NUP205: variants seen among roughly 807,000 people sequenced by gnomAD.
The protein encoded by NUP205 is nucleoporin 205, also known as nuclear pore complex protein Nup205.
Under a neutral mutation model 253.8 loss-of-function variants are expected in NUP205, and 76 were observed. The ratio of observed to expected loss-of-function variants is 0.30; its 90% CI spans 0.25 to 0.36. NUP205 has a LOEUF of 0.36. Ranked by LOEUF, NUP205 falls within the 10% of genes least tolerant of loss-of-function variation. The pLI is 1.00. For missense variants in NUP205, 2,162 were observed against 2,425.5 expected (o/e 0.89, Z 2.28); for synonymous variants, 832 against 850.1 (o/e 0.98, Z 0.37).
intron 8 of NUP205, among the ~76,000 whole-genome samples, chr7:135,586,084 C>T (rs754956417): frequency 6.6e-6 from 1 of 151,684 alleles, no homozygotes; most frequent in African/African-American, 2.4e-5. Context: ...GGGAGAAAAA[C>T]GTCTTTTTTT....
intron 1 of NUP205, among the ~76,000 whole-genome samples, chr7:135,569,772 T>C: frequency 6.6e-6 from 1 of 152,058 alleles, no homozygotes; most frequent in Non-Finnish European, 1.5e-5. Context: ...TATGAGTTTA[T>C]AAAAGTATTC....
At chr7:135,581,520 G>C (rs1353034785) in intron 7 of NUP205, among the ~76,000 whole-genome samples, 1 of 151,934 alleles carries the variant, frequency 6.6e-6, no homozygotes, top group Admixed American at 6.6e-5. Flanking sequence ...ACTCCAGCCT[G>C]GGTGACAGAG....
intron 12 of NUP205, 43 bp from the exon 13 acceptor site, chr7:135,594,504 T>C (rs527448800): frequency 4.7e-6 from 7 of 1,488,428 alleles, no homozygotes; most frequent in African/African-American, 4.2e-5. Context: ...TTTTAATAAC[T>C]TTTAAAAATG....
chr7:135,631,052 C>T (rs967528513), intron 35 of NUP205, among the ~76,000 whole-genome samples: 1 of 150,770 alleles, frequency 6.6e-6, no homozygotes, highest in Non-Finnish European at 1.5e-5. Flanking sequence ...AATTTTCAAA[C>T]ATTGCTTTAT....
At chr7:135,635,490 A>C in intron 35 of NUP205, 91 bp from the exon 36 acceptor site, 1 of 744,578 alleles carries the variant, frequency 1.3e-6, no homozygotes, top group Non-Finnish European at 2.2e-6. Context: ...TCATGCACAT[A>C]AACAATATAA....
intron 27 of NUP205, among the ~76,000 whole-genome samples, 199 bp from the exon 28 acceptor site, chr7:135,618,213 A>G (rs1794399293): frequency 6.6e-6 from 1 of 152,178 alleles, no homozygotes; most frequent in African/African-American, 2.4e-5. Flanking sequence ...TCTGTCCCCT[A>G]CCTTTCATGC....
intron 35 of NUP205, among the ~76,000 whole-genome samples, chr7:135,635,132 A>G (rs934495116): frequency 6.6e-6 from 1 of 152,218 alleles, no homozygotes; most frequent in African/African-American, 2.4e-5. Context: ...CAAACTAAGA[A>G]GTTGAATGGA....
At chr7:135,627,866 A>G in intron 33 of NUP205, 107 bp from the exon 34 acceptor site, 1 of 1,134,138 alleles carries the variant, frequency 8.8e-7, no homozygotes, top group Non-Finnish European at 1.3e-6. Flanking sequence ...TAGTTGATTC[A>G]CATCTTAATC....
chr7:135,613,979 G>A (rs941119179), intron 22 of NUP205, among the ~76,000 whole-genome samples, 180 bp from the exon 23 acceptor site: 1 of 152,124 alleles, frequency 6.6e-6, no homozygotes, highest in African/African-American at 2.4e-5. Context: ...TCTTGAGCTA[G>A]GTTGCCAAGG....
At chr7:135,644,533 G>T (rs1168760973) in intron 39 of NUP205, among the ~76,000 whole-genome samples, 1 of 152,162 alleles carries the variant, frequency 6.6e-6, no homozygotes, top group African/African-American at 2.4e-5. Flanking sequence ...TTTTGCAGAA[G>T]ATACCTGACA....
chr7:135,620,482 C>T (rs144850143), intron 30 of NUP205, among the ~76,000 whole-genome samples: 2,447 of 152,250 alleles, frequency 0.016, 27 homozygotes, highest in Non-Finnish European at 0.023. Context: ...TCCCAGATTG[C>T]GCCACTGCCC....
Position 135,570,593 on chromosome 7 carries a change from CTTTTA to C in NUP205, c.29-510_29-506del, listed in dbSNP as rs764472533. 1.7e-4 allele frequency among the ~76,000 whole-genome samples: 24 copies of C among 144,450 alleles called. No individual in the cohort carries two copies. In the East Asian group the frequency reaches 2.4e-3, roughly 14 times the overall value. 94.8% of individuals were successfully genotyped at this position (144,450 alleles called of 152,430 possible). On this transcript the variant is annotated intron_variant, in intron 1 of 42. Coordinates refer to ENST00000285968, the MANE Select transcript of NUP205 (RefSeq NM_015135.3). ...TGCTTGAGAATTTTAATAAACTATGCTTTTATATTAGTGTCTCTTAATCAGTTACA... is the reference window on the plus strand; with the variant it reads ...TGCTTGAGAATTTTAATAAACTATGCTATTAGTGTCTCTTAATCAGTTACA...
At position 135,572,613 on chromosome 7, in the gene NUP205, G is replaced by A. The variant is rs187745751; in HGVS notation, c.172-1041G>A. On this transcript the variant is annotated intron_variant, in intron 2 of 42. Transcript: ENST00000285968. The stretch of plus-strand genomic sequence containing the variant: ...GTCTCACTCTGTCGTCCAGTCTGGA[G>A]TGCAGCGGTGCGATCTTGGCTCACT... Among the ~76,000 whole-genome samples, 307 of 152,342 alleles carry A rather than the reference G, an allele frequency of 2.0e-3. 4 individuals are homozygous for A. Among genetic ancestry groups the A allele is most frequent in the Non-Finnish European group, 9.8e-4 (67 of 68,044 alleles).
At position 135,645,009 on chromosome 7, in the gene NUP205, C is replaced by T. The variant is rs200044564; in HGVS notation, c.5674C>T (p.Leu1892Phe). 3.1e-6 allele frequency: 5 copies of T among 1,614,062 alleles called. No homozygotes were observed. The African/African-American group carries it at 6.7e-5, about 22-fold the overall frequency. ...VINNRAKLLS[L>F]CSFIIETCLF... ...CAACAATCGAGCTAAACTGCTTTCCCTTTGTTCTTGTATCCTTTATGAAAT... is the reference window on the plus strand; with the variant it reads ...CAACAATCGAGCTAAACTGCTTTCCTTTTGTTCTTGTATCCTTTATGAAAT... The change falls in exon 40 of 43, where the codon CTT becomes TTT. Residue 1892 changes from leucine (L) to phenylalanine (F), a missense_variant. Transcript: ENST00000285968.
At chr7:135,569,940 A>G (rs926032776) in intron 1 of NUP205, among the ~76,000 whole-genome samples, 4 of 151,622 alleles carry the variant, frequency 2.6e-5, no homozygotes, top group South Asian at 2.1e-4. Flanking sequence ...TTGAGTGCCT[A>G]TGATATGAAA....
intron 17 of NUP205, 74 bp from the exon 18 acceptor site, chr7:135,602,731 C>T (rs1287455996): frequency 3.3e-6 from 4 of 1,212,694 alleles, no homozygotes; most frequent in African/African-American, 3.1e-5. Context: ...TGTCATTTGT[C>T]TTGTTTTCCT....
intron 30 of NUP205, 95 bp from the exon 31 acceptor site, chr7:135,622,682 T>C (rs1291762903): frequency 6.8e-6 from 8 of 1,182,264 alleles, no homozygotes; most frequent in Non-Finnish European, 9.4e-6. Context: ...TTTTTTTTTT[T>C]TCTTCCTTAG....
chr7:135,614,115 A>G (rs1794300105), intron 22 of NUP205, 44 bp from the exon 23 acceptor site: 2 of 1,104,042 alleles, frequency 1.8e-6, no homozygotes, highest in African/African-American at 1.6e-5. Context: ...TATGTGTAAC[A>G]CAGAAAGACT....
intron 10 of NUP205, among the ~76,000 whole-genome samples, chr7:135,588,608 C>A (rs1806537389): frequency 6.6e-6 from 1 of 150,382 alleles, no homozygotes; most frequent in Non-Finnish European, 1.5e-5. Flanking sequence ...AAAGACAGGG[C>A]CTTGCTATGA....
Sources: gnomAD v4.1 joint callset for allele counts (sites outside exome capture counted in the v4.1 genomes callset) on GRCh38, gnomAD v4.1.1 for gene constraint, MANE v1.5 for transcripts, NCBI Gene and HGNC (gene_info 2026-07-23, HGNC 2026-07-21) for gene names.